The following MDGA2 variants were observed in gnomAD, a reference collection of about 807,000 sequenced individuals.
The protein encoded by MDGA2 is MAM domain-containing glycosylphosphatidylinositol anchor protein 2.
Under a neutral mutation model 117.8 loss-of-function variants are expected in MDGA2, and 40 were observed. The ratio of observed to expected loss-of-function variants is 0.34; its 90% confidence interval spans 0.26 to 0.44. The LOEUF is 0.44. MDGA2 is among the 20% of genes least tolerant of loss of function. MDGA2 has a pLI of 1.00. For missense variants in MDGA2, 1,123 were observed against 1,250.6 expected (o/e 0.90, Z 1.54); for synonymous variants, 452 against 439.0 (o/e 1.03, Z -0.37).
chr14:46,931,525 C>CT (rs34478677), intron 9 of MDGA2, among the ~76,000 whole-genome samples: 10,767 of 128,712 alleles, frequency 0.084, 1,017 homozygotes, highest in African/African-American at 0.19. Flanking sequence ...TTTATTTTTG[C>CT]TTTTTTTTTT....
intron 1 of MDGA2, among the ~76,000 whole-genome samples, chr14:47,409,311 G>T (rs924220655): frequency 1.3e-5 from 2 of 152,142 alleles, no homozygotes; most frequent in African/African-American, 4.8e-5. Flanking sequence ...AAAGATGGAG[G>T]TGATGGGAAG....
intron 1 of MDGA2, among the ~76,000 whole-genome samples, chr14:47,413,051 C>T (rs530937036): frequency 3.2e-4 from 49 of 152,234 alleles, no homozygotes; most frequent in African/African-American, 1.2e-3. Context: ...GTGTATATTG[C>T]TAACCCTTTT....
At chr14:47,368,575 C>T (rs1167763039) in intron 1 of MDGA2, among the ~76,000 whole-genome samples, 1 of 152,108 alleles carries the variant, frequency 6.6e-6, no homozygotes, top group Non-Finnish European at 1.5e-5. Flanking sequence ...TGAAATACTG[C>T]TAGTCGATGG....
rs147354611 is a variant in MDGA2 at position 47,591,236 on chromosome 14, C to T, written c.280+83281G>A. On this transcript the variant is annotated intron_variant, in intron 1 of 16. Coordinates refer to ENST00000399232, the MANE Select transcript of MDGA2 (RefSeq NM_001113498.3). ...GTTTAAATTCTGGGATTGTACATCT[C>T]CCATTCATGCTCTCACACTTATTTG... 4.3e-3 allele frequency among the ~76,000 whole-genome samples: 651 copies of T among 152,176 alleles called. 6 individuals carry two copies. The highest frequency in any genetic ancestry group is 0.014 in the African/African-American group (593 of 41,542).
intron 1 of MDGA2, among the ~76,000 whole-genome samples, chr14:47,425,177 A>T (rs576079109): frequency 6.6e-6 from 1 of 152,292 alleles, no homozygotes; most frequent in South Asian, 2.1e-4. Flanking sequence ...GTCCTTGAAA[A>T]ATGTGGTTCA....
chr14:47,527,947 T>G (rs181389258), intron 1 of MDGA2, among the ~76,000 whole-genome samples: 105 of 152,332 alleles, frequency 6.9e-4, no homozygotes, highest in African/African-American at 2.4e-3. Flanking sequence ...AACTTGAGCA[T>G]GTTTACACAC....
intron 6 of MDGA2, among the ~76,000 whole-genome samples, chr14:47,088,692 A>G (rs1009556811): frequency 6.6e-6 from 1 of 152,152 alleles, no homozygotes; most frequent in Admixed American, 6.6e-5. Context: ...ACCTTTCAAC[A>G]AAAACAGTGA....
intron 1 of MDGA2, among the ~76,000 whole-genome samples, chr14:47,565,566 CCAGA>C (rs1895901482): frequency 6.6e-6 from 1 of 152,172 alleles, no homozygotes; most frequent in Admixed American, 6.5e-5. Flanking sequence ...GAGGGTGGTG[CCAGA>C]CAAAGTTCTT....
chr14:47,353,377 A>G (rs1890925378), intron 1 of MDGA2, among the ~76,000 whole-genome samples: 1 of 152,204 alleles, frequency 6.6e-6, no homozygotes, highest in Non-Finnish European at 1.5e-5. Flanking sequence ...ATGTATGGTC[A>G]CTACAGTTGC....
chr14:47,098,352 T>C (rs1424504079), intron 5 of MDGA2, among the ~76,000 whole-genome samples: 2 of 151,708 alleles, frequency 1.3e-5, no homozygotes, highest in African/African-American at 2.4e-5. Flanking sequence ...TATGACCTTT[T>C]TAAGCATCAA....
intron 1 of MDGA2, among the ~76,000 whole-genome samples, chr14:47,662,094 G>A (rs1897860935): frequency 6.6e-6 from 1 of 152,086 alleles, no homozygotes; most frequent in African/African-American, 2.4e-5. Flanking sequence ...AAACATGAAT[G>A]TATCACAAAT....
At chr14:47,000,330 TA>T (rs1887458176) in intron 8 of MDGA2, among the ~76,000 whole-genome samples, 1 of 107,994 alleles carries the variant, frequency 9.3e-6, no homozygotes. Context: ...TATATATATA[TA>T]TTTATATATA....
intron 1 of MDGA2, among the ~76,000 whole-genome samples, chr14:47,552,135 G>A (rs1158254598): frequency 6.6e-6 from 1 of 151,984 alleles, no homozygotes; most frequent in African/African-American, 2.4e-5. Context: ...TCTCAATTCA[G>A]TGACCCTATA....
At chr14:46,962,759 G>T (rs1258617693) in intron 8 of MDGA2, among the ~76,000 whole-genome samples, 1 of 152,050 alleles carries the variant, frequency 6.6e-6, no homozygotes, top group Admixed American at 6.6e-5. Flanking sequence ...GCTGACTGAA[G>T]GTTACAGTTA....
At chr14:47,172,526 C>T (rs928831455) in intron 3 of MDGA2, among the ~76,000 whole-genome samples, 8 of 152,144 alleles carry the variant, frequency 5.3e-5, no homozygotes, top group East Asian at 1.9e-4. Flanking sequence ...GCTGCTGATA[C>T]CCAAGCAAAC....
At chr14:46,971,215 A>G (rs10137424) in intron 8 of MDGA2, among the ~76,000 whole-genome samples, 86,506 of 152,012 alleles carry the variant, frequency 0.57, 25,449 homozygotes, top group Non-Finnish European at 0.63. Flanking sequence ...CTGGATATTT[A>G]TCCAAAGGAA....
chr14:47,443,526 T>C (rs1368555347), intron 1 of MDGA2, among the ~76,000 whole-genome samples: 1 of 152,154 alleles, frequency 6.6e-6, no homozygotes, highest in Non-Finnish European at 1.5e-5. Flanking sequence ...TATGTATTTG[T>C]TTCCGTATAT....
At chr14:46,962,460 A>C in intron 8 of MDGA2, among the ~76,000 whole-genome samples, 1 of 152,172 alleles carries the variant, frequency 6.6e-6, no homozygotes, top group East Asian at 1.9e-4. Context: ...CTGGGTTTGA[A>C]GTTCTGCACC....
chr14:47,574,989 T>G (rs1346136951), intron 1 of MDGA2, among the ~76,000 whole-genome samples: 1 of 152,208 alleles, frequency 6.6e-6, no homozygotes, highest in East Asian at 1.9e-4. Context: ...TGGGTCTGTG[T>G]GTATAAAGTG....
Sources: allele counts gnomAD v4.1 joint callset (sites outside exome capture counted in the v4.1 genomes callset), GRCh38; gene constraint gnomAD v4.1.1; transcripts MANE v1.5; gene names NCBI Gene and HGNC (gene_info 2026-07-23, HGNC 2026-07-21).